The following DENND1A variants were observed in gnomAD, a reference collection of about 807,000 sequenced individuals.
DENND1A encodes DENN domain-containing protein 1A.
A neutral mutation model predicts 113.7 loss-of-function variants in DENND1A; 51 were observed. The observed-to-expected ratio is 0.45, with a 90% CI of 0.36 to 0.57. DENND1A has a LOEUF of 0.57. Ranked by LOEUF, DENND1A falls within the 20% of genes least tolerant of loss-of-function variation. The probability of loss-of-function intolerance (pLI) is 0.00; values close to 1 mark genes in which losing one functional copy is unlikely to be tolerated. For missense variants in DENND1A, 1,258 were observed against 1,395.9 expected, an observed-to-expected ratio of 0.90 and a Z score of 1.57; for synonymous variants, 565 against 570.8, an observed-to-expected ratio of 0.99 and a Z score of 0.14.
chr9:123,799,829 A>C (rs1834343382), intron 2 of DENND1A, among the ~76,000 whole-genome samples: 1 of 152,228 alleles, frequency 6.6e-6, no homozygotes, highest in Non-Finnish European at 1.5e-5. Flanking sequence ...TATCCAAATG[A>C]AAACAAGCCT....
chr9:123,816,776 A>G (rs1259348391), intron 2 of DENND1A, among the ~76,000 whole-genome samples: 1 of 152,230 alleles, frequency 6.6e-6, no homozygotes, highest in Non-Finnish European at 1.5e-5. Flanking sequence ...CACATTCTTT[A>G]GAATTCATAA....
At chr9:123,753,450 T>C (rs1461308510) in intron 5 of DENND1A, among the ~76,000 whole-genome samples, 1 of 152,252 alleles carries the variant, frequency 6.6e-6, no homozygotes, top group Non-Finnish European at 1.5e-5. Context: ...ACAAAATGTC[T>C]ATCACTCAAT....
chr9:123,830,880 A>G (rs1840097080), intron 2 of DENND1A, among the ~76,000 whole-genome samples: 1 of 148,996 alleles, frequency 6.7e-6, no homozygotes, highest in African/African-American at 2.4e-5. Flanking sequence ...AATGAAAAAA[A>G]AAAAAAAAAA....
intron 19 of DENND1A, among the ~76,000 whole-genome samples, chr9:123,412,507 T>C (rs1219780163): frequency 6.6e-6 from 1 of 152,238 alleles, no homozygotes; most frequent in East Asian, 1.9e-4. Context: ...TCCCTATGCC[T>C]GCAGGCTCTG....
intron 3 of DENND1A, among the ~76,000 whole-genome samples, chr9:123,772,708 T>A (rs1829926245): frequency 6.6e-6 from 1 of 152,178 alleles, no homozygotes; most frequent in Non-Finnish European, 1.5e-5. Flanking sequence ...TTTTTTAACA[T>A]TTTAATGAGC....
intron 2 of DENND1A, among the ~76,000 whole-genome samples, chr9:123,823,451 G>A (rs1397315986): frequency 6.6e-6 from 1 of 152,180 alleles, no homozygotes; most frequent in Non-Finnish European, 1.5e-5. Context: ...GAGCACAAGG[G>A]AGCCAGAGGT....
At chr9:123,471,181 A>T (rs893786017) in intron 13 of DENND1A, among the ~76,000 whole-genome samples, 1 of 152,232 alleles carries the variant, frequency 6.6e-6, no homozygotes, top group African/African-American at 2.4e-5. Flanking sequence ...TGCACAGTGC[A>T]TGATGGGAGA....
At chr9:123,413,708 T>C in intron 19 of DENND1A, 1 of 985,530 alleles carries the variant, frequency 1.0e-6, no homozygotes, top group Middle Eastern at 5.2e-4. Flanking sequence ...TGACCCATGC[T>C]TGGTGACCCT....
intron 13 of DENND1A, among the ~76,000 whole-genome samples, chr9:123,512,831 C>A (rs1005342956): frequency 6.6e-6 from 1 of 152,214 alleles, no homozygotes; most frequent in Non-Finnish European, 1.5e-5. Flanking sequence ...CTCTCTGAGT[C>A]TCAGTTTCCT....
At chr9:123,574,090 T>A (rs1314336043) in intron 12 of DENND1A, among the ~76,000 whole-genome samples, 1 of 151,914 alleles carries the variant, frequency 6.6e-6, no homozygotes, top group Non-Finnish European at 1.5e-5. Context: ...TAAAAAAGGT[T>A]ATTATCCTTT....
intron 9 of DENND1A, among the ~76,000 whole-genome samples, chr9:123,646,689 T>A (rs188638654): frequency 3.7e-4 from 56 of 152,270 alleles, no homozygotes; most frequent in Admixed American, 2.2e-3. Context: ...GATATTTAAC[T>A]CCTCTGACTT....
intron 1 of DENND1A, among the ~76,000 whole-genome samples, chr9:123,925,788 G>A (rs1367211706): frequency 1.3e-5 from 2 of 152,196 alleles, no homozygotes; most frequent in Admixed American, 1.3e-4. Context: ...AGGTATACAG[G>A]CTAATGTAGA....
At chr9:123,591,257 C>T (rs1819829044) in intron 11 of DENND1A, among the ~76,000 whole-genome samples, 1 of 152,188 alleles carries the variant, frequency 6.6e-6, no homozygotes, top group South Asian at 2.1e-4. Context: ...ACACCAGCTG[C>T]CCACACAGAT....
At chr9:123,434,378 C>T (rs2046364513) in intron 19 of DENND1A, among the ~76,000 whole-genome samples, 1 of 152,204 alleles carries the variant, frequency 6.6e-6, no homozygotes, top group Non-Finnish European at 1.5e-5. Flanking sequence ...AGTTTGTGAC[C>T]ACTAAGGGAA....
At chr9:123,487,899 T>C (rs1411257108) in intron 13 of DENND1A, among the ~76,000 whole-genome samples, 4 of 152,196 alleles carry the variant, frequency 2.6e-5, no homozygotes, top group African/African-American at 7.2e-5. Flanking sequence ...AGAGGTTAAT[T>C]TGCTTTCCAA....
chr9:123,843,351 T>C (rs970006222), intron 2 of DENND1A: 2 of 349,758 alleles, frequency 5.7e-6, no homozygotes, highest in African/African-American at 2.2e-5. Flanking sequence ...GCTAAAAGAG[T>C]TGGTGTTGGA....
intron 13 of DENND1A, among the ~76,000 whole-genome samples, chr9:123,534,423 G>A (rs537647085): frequency 6.0e-4 from 92 of 152,204 alleles, no homozygotes; most frequent in Middle Eastern, 3.4e-3. Flanking sequence ...ATTTCATCAC[G>A]TAAATATTAT....
rs556690105 is a variant in DENND1A at position 123,781,530 on chromosome 9, ACTT to A, written c.132+11054_132+11056del. 1.7e-3 allele frequency among the ~76,000 whole-genome samples: 257 copies of A among 152,248 alleles called. 8 individuals are homozygous for A. In the South Asian group the frequency reaches 0.045, roughly 26 times the overall value. The stretch of plus-strand genomic sequence containing the variant: ...ATCATCAATTACACAGAAGCATCAA[ACTT>A]CTTCTTCCTCATACTACATCAGAAA... On this transcript the variant is annotated intron_variant, in intron 3 of 23. Coordinates refer to ENST00000394215, the MANE Select transcript of DENND1A (RefSeq NM_001352964.2).
chr9:123,710,310 C>T (rs911915420), intron 5 of DENND1A, among the ~76,000 whole-genome samples: 9 of 152,110 alleles, frequency 5.9e-5, no homozygotes, highest in Non-Finnish European at 1.2e-4. Context: ...ATGTCACCAA[C>T]AAAATTTTGC....
Sources: gnomAD v4.1 joint callset for allele counts (sites outside exome capture counted in the v4.1 genomes callset) on GRCh38, gnomAD v4.1.1 for gene constraint, MANE v1.5 for transcripts, NCBI Gene and HGNC (gene_info 2026-07-23, HGNC 2026-07-21) for gene names.